The following CALN1 variants were observed in gnomAD, a reference collection of about 807,000 sequenced individuals.
CALN1 encodes the protein calneuron 1, also known as calcium-binding protein 8.
A neutral mutation model predicts 30.6 loss-of-function variants in CALN1; 17 were observed. The ratio of observed to expected loss-of-function variants is 0.56; its 90% CI spans 0.38 to 0.83. The LOEUF (loss-of-function observed/expected upper bound fraction) is 0.83, where lower values mean the gene tolerates loss of function less well. Among genes scored for constraint, CALN1 ranks in the 40% least tolerant of loss-of-function variants. The pLI, the probability that CALN1 is intolerant of heterozygous loss-of-function variation, is 0.00. For missense variants in CALN1, 291 were observed against 354.9 expected (o/e 0.82, Z 1.45); for synonymous variants, 156 against 131.4 (o/e 1.19, Z -1.28).
At chr7:72,261,532 C>G (rs1303294919) in intron 3 of CALN1, among the ~76,000 whole-genome samples, 1 of 151,996 alleles carries the variant, frequency 6.6e-6, no homozygotes, top group African/African-American at 2.4e-5. Flanking sequence ...TTAAGCAATC[C>G]TCCTGCCTCA....
intron 5 of CALN1, among the ~76,000 whole-genome samples, chr7:71,836,111 G>C (rs543792960): frequency 3.7e-4 from 56 of 152,260 alleles, no homozygotes; most frequent in African/African-American, 1.3e-3. Context: ...ATGAATACAT[G>C]AGACAGACCT....
intron 5 of CALN1, among the ~76,000 whole-genome samples, chr7:72,022,857 C>T (rs555569363): frequency 6.6e-6 from 1 of 150,750 alleles, no homozygotes; most frequent in African/African-American, 2.4e-5. Context: ...CAACTGCAAC[C>T]CTTATCTAGG....
At chr7:72,014,498 T>C (rs1384598022) in intron 5 of CALN1, among the ~76,000 whole-genome samples, 1 of 152,212 alleles carries the variant, frequency 6.6e-6, no homozygotes, top group Non-Finnish European at 1.5e-5. Flanking sequence ...ATTTCTAAGA[T>C]TTCCGGTGAG....
intron 2 of CALN1, among the ~76,000 whole-genome samples, chr7:72,369,385 T>TG (rs1804088120): frequency 6.7e-6 from 1 of 149,530 alleles, no homozygotes; most frequent in South Asian, 2.1e-4. Context: ...GTTTTTGAGA[T>TG]GGAGTTTCAC....
At chr7:72,127,106 AG>A (rs1356422344) in intron 3 of CALN1, among the ~76,000 whole-genome samples, 1 of 151,852 alleles carries the variant, frequency 6.6e-6, no homozygotes, top group African/African-American at 2.4e-5. Flanking sequence ...TCCATCCAGC[AG>A]ATTGCTGGAT....
intron 1 of CALN1, among the ~76,000 whole-genome samples, chr7:72,418,890 C>A (rs1807515598): frequency 6.6e-6 from 1 of 152,092 alleles, no homozygotes; most frequent in African/African-American, 2.4e-5. Flanking sequence ...GTGATGCATG[C>A]CTGTTATCCC....
At chr7:72,484,063 T>C in the CALN1 span, among the ~76,000 whole-genome samples, 1 of 152,206 alleles carries the variant, frequency 6.6e-6, no homozygotes, top group Admixed American at 6.5e-5. Flanking sequence ...GTAATACAAT[T>C]ACAATACTTG....
At chr7:72,081,139 C>T (rs1196094841) in intron 4 of CALN1, among the ~76,000 whole-genome samples, 1 of 152,068 alleles carries the variant, frequency 6.6e-6, no homozygotes, top group Non-Finnish European at 1.5e-5. Context: ...ATTCTATCTG[C>T]AGGGTGTGTG....
chr7:72,273,009 C>A (rs1797096637), intron 3 of CALN1, among the ~76,000 whole-genome samples: 1 of 151,816 alleles, frequency 6.6e-6, no homozygotes. Flanking sequence ...ATGGAGAATT[C>A]TGTGGCATAG....
intron 2 of CALN1, among the ~76,000 whole-genome samples, chr7:72,322,133 C>A (rs1800925087): frequency 6.6e-6 from 1 of 152,034 alleles, no homozygotes; most frequent in Non-Finnish European, 1.5e-5. Context: ...TCAGTGGGAG[C>A]CCTGAGCTTA....
intron 4 of CALN1, among the ~76,000 whole-genome samples, chr7:72,050,795 G>A (rs1041807097): frequency 3.3e-5 from 5 of 152,198 alleles, no homozygotes; most frequent in East Asian, 1.9e-4. Flanking sequence ...GAGGTCAGGA[G>A]TTTGAGACCA....
At chr7:72,076,611 CAAAAAAAAAAAAA>C (rs572245834) in intron 4 of CALN1, among the ~76,000 whole-genome samples, 66 of 6,114 alleles carry the variant, frequency 0.011, no homozygotes, top group African/African-American at 0.029. Context: ...AAAAAAAAAG[CAAAAAAAAAAAAA>C]AAAAAAAAAA....
At position 72,339,284 on chromosome 7, in the gene CALN1, G is replaced by A. The variant is rs914335625; in HGVS notation, c.120-60474C>T. On this transcript the variant is annotated intron_variant, in intron 2 of 6. Coordinates refer to ENST00000395275, the MANE Select transcript of CALN1 (RefSeq NM_031468.4). ...ACAGTGCTGCAACAAACATCAGAAT[G>A]CAGATACCTCTTCGATATACTAATT... Among the ~76,000 whole-genome samples the A allele has an allele frequency of 3.3e-5, 5 of 152,268 alleles. No homozygotes were observed. In the South Asian group the frequency reaches 8.3e-4, roughly 25 times the overall value.
chr7:72,177,755 A>G (rs1437130683), intron 3 of CALN1, among the ~76,000 whole-genome samples: 15 of 149,396 alleles, frequency 1.0e-4, no homozygotes, highest in African/African-American at 1.2e-4. Flanking sequence ...ACAGAGGGAA[A>G]AAAAAAAAAA....
chr7:72,411,086 G>C (rs1217934747), intron 1 of CALN1, among the ~76,000 whole-genome samples: 1 of 151,280 alleles, frequency 6.6e-6, no homozygotes, highest in Non-Finnish European at 1.5e-5. Flanking sequence ...AACAGGACAT[G>C]TGTAGAAACA....
intron 3 of CALN1, among the ~76,000 whole-genome samples, chr7:72,227,373 CTA>C (rs1223860880): frequency 1.3e-5 from 2 of 151,930 alleles, no homozygotes; most frequent in African/African-American, 4.8e-5. Flanking sequence ...AACCCTGTCT[CTA>C]TTAAAAATAC....
chr7:71,984,048 T>C (rs1460014041), intron 5 of CALN1, among the ~76,000 whole-genome samples: 3 of 152,174 alleles, frequency 2.0e-5, no homozygotes, highest in South Asian at 2.1e-4. Flanking sequence ...AAAAAATATA[T>C]ATAAACTCTT....
chr7:72,109,152 C>A (rs2129541455), intron 3 of CALN1, among the ~76,000 whole-genome samples: 1 of 152,252 alleles, frequency 6.6e-6, no homozygotes, highest in Non-Finnish European at 1.5e-5. Flanking sequence ...GGGTAAGGAT[C>A]ATATATTAGT....
intron 5 of CALN1, among the ~76,000 whole-genome samples, chr7:71,937,518 G>A (rs1249448060): frequency 1.3e-5 from 2 of 151,754 alleles, no homozygotes; most frequent in African/African-American, 4.8e-5. Context: ...TTTCCCTGTG[G>A]ACCAGACGGG....
Sources: allele counts gnomAD v4.1 joint callset (sites outside exome capture counted in the v4.1 genomes callset), GRCh38; gene constraint gnomAD v4.1.1; transcripts MANE v1.5; gene names NCBI Gene and HGNC (gene_info 2026-07-23, HGNC 2026-07-21).